ZMYND8: variants seen among roughly 807,000 people sequenced by gnomAD.
ZMYND8 encodes the protein zinc finger MYND-type containing 8.
A neutral mutation model predicts 140.8 loss-of-function variants in ZMYND8; 37 were observed. The ratio of observed to expected loss-of-function variants is 0.26; its 90% CI spans 0.20 to 0.35. The LOEUF (loss-of-function observed/expected upper bound fraction) is 0.35. Among genes scored for constraint, ZMYND8 ranks in the 10% least tolerant of loss-of-function variants. The probability of loss-of-function intolerance (pLI) is 1.00; values close to 1 mark genes in which losing one functional copy is unlikely to be tolerated. For synonymous variants in ZMYND8, 592 were observed against 597.1 expected, an observed-to-expected ratio of 0.99 and a Z score of 0.12; for missense variants, 1,068 against 1,570.0, an observed-to-expected ratio of 0.68 and a Z score of 5.40.
At chr20:47,283,543 T>C in intron 9 of ZMYND8, 28 bp downstream of exon 9, 1 of 1,613,444 alleles carries the variant, frequency 6.2e-7, no homozygotes, top group Non-Finnish European at 8.5e-7. Flanking sequence ...GTTCAGTAAA[T>C]GAAATAAGCA....
At position 47,249,388 on chromosome 20, in the gene ZMYND8, T is replaced by G. The variant is rs1363822085; in HGVS notation, c.1673A>C (p.Gln558Pro). Reference protein sequence around the residue: ...DLKELSESVQQQSTPVPLISP... With the variant: ...DLKELSESVQPQSTPVPLISP... Reference sequence around the variant, plus strand: ...GATGAGAGGAACAGGGGTGGACTGTTGCTGGACCGACTCGCTCAGCTCCTT... The same window carrying G: ...GATGAGAGGAACAGGGGTGGACTGTGGCTGGACCGACTCGCTCAGCTCCTT... The change falls in exon 13 of 23, where the codon CAA becomes CCA. Residue 558 changes from glutamine (Q) to proline (P), a missense_variant. Around this residue, in one of 10 missense-constraint regions of ZMYND8, gnomAD observed 173 missense variants for 223.3 expected, o/e 0.77. Transcript: ENST00000471951. 6.2e-7 allele frequency: 1 copy of G among 1,614,184 alleles called. No homozygotes were observed. Among genetic ancestry groups the G allele is most frequent in the East Asian group, 2.2e-5 (1 of 44,878 alleles).
At chr20:47,227,310 A>T (rs574165924) in intron 17 of ZMYND8, 29 bp from the exon 18 acceptor site, 1 of 1,611,768 alleles carries the variant, frequency 6.2e-7, no homozygotes. Context: ...GCGTCTTCAA[A>T]AGCTGTCTCA....
intron 1 of ZMYND8, among the ~76,000 whole-genome samples, chr20:47,355,913 G>A (rs897473164): frequency 6.6e-6 from 1 of 151,258 alleles, no homozygotes; most frequent in Non-Finnish European, 1.5e-5. Flanking sequence ...ACATTTGCTG[G>A]CTGTAGGCTG....
chr20:47,249,667 T>A (rs1474153390), intron 12 of ZMYND8, among the ~76,000 whole-genome samples: 1 of 152,142 alleles, frequency 6.6e-6, no homozygotes, highest in Non-Finnish European at 1.5e-5. Flanking sequence ...CACTGAACAA[T>A]CGTCTGGGTG....
rs141781562 is a variant in ZMYND8 at position 47,246,099 on chromosome 20, G to T, written c.2193C>A (p.Ser731Arg). 1 of 1,613,942 alleles carries T rather than the reference G, an allele frequency of 6.2e-7. No individual in the cohort carries two copies. The highest frequency in any genetic ancestry group is 8.5e-7 in the Non-Finnish European group (1 of 1,180,030). The change falls in exon 14 of 23, where the codon AGC (serine) becomes AGA (arginine). Residue 731 changes from serine (S) to arginine (R), a missense_variant. Physicochemically the swap from Ser to Arg is moderately radical, Grantham distance 110. This residue lies in a region of ZMYND8 where 383 missense variants were observed against 431.2 expected (regional missense o/e 0.89). Coordinates refer to ENST00000471951, the MANE Select transcript of ZMYND8 (RefSeq NM_001281775.3). The stretch of plus-strand genomic sequence containing the variant: ...CTTCTCCTAAATCTATGACAAGTTC[G>T]CTCTCTGAATCAGAGTCCAGGCCCA... ...VHLGLDSDSE[S>R]ELVIDLGEDH... is the part of the protein sequence containing the mutation.
chr20:47,211,888 G>C (rs1044303858), intron 22 of ZMYND8, among the ~76,000 whole-genome samples: 1 of 152,170 alleles, frequency 6.6e-6, no homozygotes, highest in Non-Finnish European at 1.5e-5. Flanking sequence ...GTAATCATGA[G>C]TTCTGGAAGA....
chr20:47,255,712 GTGTATGTGTGTATATATATA>G (rs2074584668), intron 12 of ZMYND8, among the ~76,000 whole-genome samples: 1 of 60,678 alleles, frequency 1.6e-5, no homozygotes, highest in African/African-American at 8.8e-5. Flanking sequence ...TATATATACC[GTGTATGTGTGTATATATATA>G]TATATATATA....
chr20:47,350,837 G>T (rs189877878), intron 1 of ZMYND8, among the ~76,000 whole-genome samples: 106 of 152,254 alleles, frequency 7.0e-4, no homozygotes, highest in African/African-American at 2.5e-3. Flanking sequence ...TCCCTTTAAA[G>T]GTCTGTTGAG....
At chr20:47,247,255 G>C (rs1377327795) in intron 13 of ZMYND8, among the ~76,000 whole-genome samples, 1 of 152,202 alleles carries the variant, frequency 6.6e-6, no homozygotes. Context: ...AGCCGCTCTG[G>C]GTCACCAGCC....
At position 47,210,390 on chromosome 20, in the gene ZMYND8, TTTTTGTTG is replaced by T. The variant is rs2035070974; in HGVS notation, c.*363_*370del. ...CCCTTCTCCAATACCAAAACATTCT[TTTTTGTTG>T]TTGGGGTTGGTTGCTTTTTTTTTTT... is the stretch of plus-strand genomic sequence containing the variant. On this transcript the variant is annotated 3_prime_UTR_variant, in exon 23 of 23. Coordinates refer to ENST00000471951, the MANE Select transcript of ZMYND8 (RefSeq NM_001281775.3). The T allele has an allele frequency of 5.7e-6, 1 of 176,814 alleles. No homozygotes were observed. Among genetic ancestry groups the T allele is most frequent in the Admixed American group, 5.8e-5 (1 of 17,200 alleles). The allele number at this position is 176,814 out of a possible 1,614,324, so 11.0% of individuals were successfully genotyped here. A position where few individuals can be genotyped will look rare whatever the true frequency, so the allele number is the denominator to read the frequency against.
intron 1 of ZMYND8, chr20:47,348,262 T>C: frequency 2.9e-6 from 1 of 349,038 alleles, no homozygotes; most frequent in East Asian, 7.4e-5. Flanking sequence ...AAGCTTCTCA[T>C]TGTTAACACA....
At chr20:47,300,881 ATT>A (rs1325639011) in intron 3 of ZMYND8, among the ~76,000 whole-genome samples, 2 of 103,452 alleles carry the variant, frequency 1.9e-5, no homozygotes, top group African/African-American at 7.5e-5. Flanking sequence ...TGCACAACTA[ATT>A]TTGTGTGTGT....
At chr20:47,340,711 C>T (rs1036749324) in intron 2 of ZMYND8, among the ~76,000 whole-genome samples, 3 of 151,758 alleles carry the variant, frequency 2.0e-5, no homozygotes, top group Non-Finnish European at 2.9e-5. Context: ...CACTTGAACC[C>T]GGGAAATGAA....
At chr20:47,277,747 T>C (rs1193529155) in intron 10 of ZMYND8, among the ~76,000 whole-genome samples, 2 of 152,116 alleles carry the variant, frequency 1.3e-5, no homozygotes, top group African/African-American at 4.8e-5. Context: ...CTCAGCTCAC[T>C]GCAACCTCCG....
chr20:47,235,470 C>T (rs999596644), intron 16 of ZMYND8, among the ~76,000 whole-genome samples: 1 of 151,962 alleles, frequency 6.6e-6, no homozygotes, highest in African/African-American at 2.4e-5. Flanking sequence ...TTTGAGAGGC[C>T]GAGGTGGGTG....
intron 13 of ZMYND8, among the ~76,000 whole-genome samples, chr20:47,248,652 C>T (rs2073921861): frequency 6.6e-6 from 1 of 152,246 alleles, no homozygotes; most frequent in Admixed American, 6.5e-5. Flanking sequence ...CCTCAAGGAG[C>T]TTCCAGTCTA....
intron 17 of ZMYND8, among the ~76,000 whole-genome samples, chr20:47,229,330 C>T (rs117391998): frequency 0.018 from 2,662 of 152,108 alleles, 27 homozygotes; most frequent in Middle Eastern, 0.037. Flanking sequence ...CTTGTCTACA[C>T]AATCACATAA....
At chr20:47,343,329 G>A (rs2082064246) in intron 2 of ZMYND8, among the ~76,000 whole-genome samples, 1 of 152,098 alleles carries the variant, frequency 6.6e-6, no homozygotes, top group Non-Finnish European at 1.5e-5. Flanking sequence ...CTGTCAAGGG[G>A]ACACAAGAGC....
At chr20:47,323,567 C>T (rs531782991) in intron 2 of ZMYND8, among the ~76,000 whole-genome samples, 1 of 152,210 alleles carries the variant, frequency 6.6e-6, no homozygotes, top group East Asian at 1.9e-4. Context: ...CTCTTCCAAG[C>T]CTGTTTTTAA....
Sources: allele counts gnomAD v4.1 joint callset (sites outside exome capture counted in the v4.1 genomes callset), GRCh38; gene constraint gnomAD v4.1.1; regional missense constraint gnomAD v4.1.1; transcripts MANE v1.5; gene names NCBI Gene and HGNC (gene_info 2026-07-23, HGNC 2026-07-21).